Variants in ULK4 observed in about 807,000 individuals in gnomAD.
The protein encoded by ULK4 is inactive serine/threonine-protein kinase ULK4.
A neutral mutation model predicts 160.6 loss-of-function variants in ULK4; 133 were observed. That is an observed-to-expected ratio of 0.83 (90% CI 0.72 to 0.96). ULK4 has a LOEUF of 0.96. Among genes scored for constraint, ULK4 ranks in the 40% least tolerant of loss-of-function variants. ULK4 has a pLI of 0.00. For synonymous variants in ULK4, 534 were observed against 539.8 expected, an observed-to-expected ratio of 0.99 and a Z score of 0.15; for missense variants, 1,580 against 1,499.5, an observed-to-expected ratio of 1.05 and a Z score of -0.89.
chr3:41,445,881 C>T (rs368097322), intron 34 of ULK4, among the ~76,000 whole-genome samples: 1 of 151,704 alleles, frequency 6.6e-6, no homozygotes, highest in South Asian at 2.1e-4. Context: ...AATGGGATCT[C>T]ATTAAACTAA....
At chr3:41,427,262 C>T (rs942636967) in intron 34 of ULK4, among the ~76,000 whole-genome samples, 18 of 152,104 alleles carry the variant, frequency 1.2e-4, no homozygotes, top group Non-Finnish European at 2.4e-4. Flanking sequence ...GAAATTGAGG[C>T]AGTAATAAAT....
intron 19 of ULK4, among the ~76,000 whole-genome samples, chr3:41,809,025 G>C (rs2040736940): frequency 6.6e-6 from 1 of 152,020 alleles, no homozygotes; most frequent in Non-Finnish European, 1.5e-5. Flanking sequence ...AATTAGCCAG[G>C]CGTGGTGGTG....
At chr3:41,832,458 G>C (rs557423313) in intron 18 of ULK4, among the ~76,000 whole-genome samples, 1 of 152,292 alleles carries the variant, frequency 6.6e-6, no homozygotes, top group East Asian at 1.9e-4. Context: ...CAGATGGGTA[G>C]ATTGCAAAAA....
At chr3:41,687,351 G>A (rs72862176) in intron 27 of ULK4, among the ~76,000 whole-genome samples, 16,492 of 150,766 alleles carry the variant, frequency 0.11, 2,682 homozygotes, top group African/African-American at 0.36. Context: ...CCAGTCTGGC[G>A]ATGAAGAGAG....
At chr3:41,599,565 C>CTT (rs200055034) in intron 31 of ULK4, among the ~76,000 whole-genome samples, 10,159 of 130,568 alleles carry the variant, frequency 0.078, 1,316 homozygotes, top group African/African-American at 0.27. Context: ...TTTTCTTTTT[C>CTT]TTTTTTTTTT....
chr3:41,660,084 G>A (rs2035093728), intron 30 of ULK4, among the ~76,000 whole-genome samples: 1 of 152,192 alleles, frequency 6.6e-6, no homozygotes, highest in Non-Finnish European at 1.5e-5. Context: ...GAGGTCGGGA[G>A]TTCGAGACCA....
At chr3:41,824,737 G>A (rs138573207) in intron 18 of ULK4, among the ~76,000 whole-genome samples, 18,792 of 152,150 alleles carry the variant, frequency 0.12, 1,325 homozygotes, top group Middle Eastern at 0.27. Context: ...CCACCTCTGG[G>A]GGCAGGGCAT....
rs149309002 is a variant in ULK4, at chr3:41,530,457, G to T, written c.3226+35568C>A. Among the ~76,000 whole-genome samples the T allele has an allele frequency of 7.7e-3, 1,167 of 152,292 alleles. 10 individuals are homozygous for T. Among genetic ancestry groups the T allele is most frequent in the Middle Eastern group, 0.034 (10 of 294 alleles). The stretch of plus-strand genomic sequence containing the variant: ...TGGTGGTATTGACTATGGACATTGA[G>T]TGCATTTAAGGATTAGTAGGACTTC... On this transcript the variant is annotated intron_variant, in intron 32 of 36. Transcript: ENST00000301831.
At chr3:41,562,314 G>A (rs548296802) in intron 32 of ULK4, among the ~76,000 whole-genome samples, 2 of 152,284 alleles carry the variant, frequency 1.3e-5, no homozygotes, top group Non-Finnish European at 2.9e-5. Flanking sequence ...GTGTGAGGTG[G>A]GGCTGAGGAG....
chr3:41,470,579 T>C (rs2083965230), intron 32 of ULK4, among the ~76,000 whole-genome samples: 1 of 152,294 alleles, frequency 6.6e-6, no homozygotes, highest in Non-Finnish European at 1.5e-5. Flanking sequence ...CTTAGAACTC[T>C]AATTGCGGCA....
chr3:41,303,491 G>A (rs1250026000), intron 35 of ULK4, among the ~76,000 whole-genome samples: 2 of 152,152 alleles, frequency 1.3e-5, no homozygotes, highest in African/African-American at 2.4e-5. Flanking sequence ...CTGTCTCTGC[G>A]AATTCAGTGA....
chr3:41,470,611 G>C (rs1028798366), intron 32 of ULK4, among the ~76,000 whole-genome samples: 1 of 152,144 alleles, frequency 6.6e-6, no homozygotes, highest in Non-Finnish European at 1.5e-5. Flanking sequence ...TTTACTCCTA[G>C]TGTGAGGGTT....
intron 34 of ULK4, among the ~76,000 whole-genome samples, chr3:41,448,902 T>C (rs1392550604): frequency 1.3e-5 from 2 of 152,144 alleles, no homozygotes; most frequent in African/African-American, 4.8e-5. Context: ...TTTTATTTTT[T>C]CAAGATGGAG....
chr3:41,848,900 A>G (rs1399608181), intron 17 of ULK4, among the ~76,000 whole-genome samples: 1 of 152,218 alleles, frequency 6.6e-6, no homozygotes, highest in African/African-American at 2.4e-5. Context: ...CTTGACACAA[A>G]AACATTTCCC....
chr3:41,339,702 T>C (rs1344089752), intron 35 of ULK4, among the ~76,000 whole-genome samples: 2 of 152,230 alleles, frequency 1.3e-5, no homozygotes, highest in East Asian at 1.9e-4. Flanking sequence ...GCCACTCTTA[T>C]ACAGTAAAGG....
At chr3:41,269,218 C>T (rs1430309534) in intron 35 of ULK4, among the ~76,000 whole-genome samples, 2 of 152,146 alleles carry the variant, frequency 1.3e-5, no homozygotes, top group South Asian at 2.1e-4. Flanking sequence ...TAATCACTCA[C>T]AAGTATCCCT....
intron 27 of ULK4, among the ~76,000 whole-genome samples, chr3:41,684,492 T>C (rs1194625274): frequency 6.6e-6 from 1 of 152,212 alleles, no homozygotes; most frequent in Non-Finnish European, 1.5e-5. Flanking sequence ...CTATCTAGCA[T>C]CCAGAAGGTG....
chr3:41,663,689 T>A lies in ULK4; in HGVS notation c.2989A>T (p.Ile997Phe), dbSNP rs2125763201. The stretch of plus-strand genomic sequence containing the variant: ...GGTACTGGGTCAGGTTCTAAAAGAA[T>A]GTGCTCATACCTGAAATGGTAAAGA... ...RDVLLPQYEH[I>F]LLEPDPVPAY... The change falls in exon 30 of 37, where the codon ATT becomes TTT. Residue 997 changes from isoleucine (I) to phenylalanine (F), a missense_variant. Physicochemically the swap from Ile to Phe is conservative, Grantham distance 21. Coordinates refer to ENST00000301831, the MANE Select transcript of ULK4 (RefSeq NM_017886.4). 6.2e-7 allele frequency: 1 copy of A among 1,613,874 alleles called. No individual in the cohort carries two copies. Among genetic ancestry groups the A allele is most frequent in the Non-Finnish European group, 8.5e-7 (1 of 1,179,808 alleles).
At chr3:41,696,642 GA>G (rs2036512520) in intron 27 of ULK4, among the ~76,000 whole-genome samples, 1 of 151,984 alleles carries the variant, frequency 6.6e-6, no homozygotes, top group Non-Finnish European at 1.5e-5. Flanking sequence ...CACACGGCAA[GA>G]AAAACCCACC....
Sources: gnomAD v4.1 joint callset for allele counts (sites outside exome capture counted in the v4.1 genomes callset) on GRCh38, gnomAD v4.1.1 for gene constraint, MANE v1.5 for transcripts, NCBI Gene and HGNC (gene_info 2026-07-23, HGNC 2026-07-21) for gene names.